The following GRAMD1B variants were observed in gnomAD, a reference collection of about 807,000 sequenced individuals.
The protein encoded by GRAMD1B is protein Aster-B.
In GRAMD1B, 37 loss-of-function variants were observed where a neutral mutation model predicts 99.7. The ratio of observed to expected loss-of-function variants is 0.37; its 90% CI spans 0.29 to 0.49. GRAMD1B has a LOEUF of 0.49. Ranked by LOEUF, GRAMD1B falls within the 20% of genes least tolerant of loss-of-function variation. GRAMD1B has a pLI of 0.98. For missense variants in GRAMD1B, 888 were observed against 1,009.2 expected (o/e 0.88, Z 1.63); for synonymous variants, 427 against 387.6 (o/e 1.10, Z -1.19).
rs138083511 is a variant in GRAMD1B at position 123,548,325 on chromosome 11, T to TACAC, written c.453-29020_453-29017dup. ...ATATATATATATATATATATATATA[T>TACAC]ACACACACACACACACACACACACA... is the stretch of plus-strand genomic sequence containing the variant. On this transcript the variant is annotated intron_variant, in intron 2 of 19. Transcript: ENST00000635736. Among the ~76,000 whole-genome samples the TACAC allele has an allele frequency of 3.0e-3, 264 of 86,840 alleles. 2 individuals are homozygous for TACAC. The highest frequency in any genetic ancestry group is 6.8e-3 in the Middle Eastern group (1 of 146). 57.0% of individuals were successfully genotyped at this position (86,840 alleles called of 152,430 possible). A position where few individuals can be genotyped will look rare whatever the true frequency, so the allele number is the denominator to read the frequency against.
intron 1 of GRAMD1B, among the ~76,000 whole-genome samples, chr11:123,424,262 A>AG (rs1489411362): frequency 6.6e-6 from 1 of 151,632 alleles, no homozygotes; most frequent in African/African-American, 2.4e-5. Context: ...CCAAAAAAAA[A>AG]AAAAAAAAGA....
chr11:123,398,854 T>C (rs1285756317), intron 1 of GRAMD1B, among the ~76,000 whole-genome samples: 1 of 152,224 alleles, frequency 6.6e-6, no homozygotes, highest in East Asian at 1.9e-4. Context: ...GAAATCATCA[T>C]CACAACCTGT....
intron 2 of GRAMD1B, among the ~76,000 whole-genome samples, chr11:123,543,693 G>T (rs1022790949): frequency 6.6e-6 from 1 of 152,196 alleles, no homozygotes; most frequent in African/African-American, 2.4e-5. Flanking sequence ...AAGGTAGAAG[G>T]TCAAGAAATA....
intron 2 of GRAMD1B, among the ~76,000 whole-genome samples, chr11:123,549,063 T>G (rs1220932715): frequency 6.6e-6 from 1 of 151,948 alleles, no homozygotes; most frequent in South Asian, 2.1e-4. Context: ...GGAGAGGTAG[T>G]TAGTTGGAGG....
rs565603364 is a variant in GRAMD1B at position 123,521,038 on chromosome 11, G to T, written c.452+40145G>T. On this transcript the variant is annotated intron_variant, in intron 2 of 19. Coordinates refer to ENST00000635736, the MANE Select transcript of GRAMD1B (RefSeq NM_001387025.1). ...TGTTTTGCTTTTGCTGTTACATGGA[G>T]TGCTATTTAAAGTCTTTCGTGCATG... Among the ~76,000 whole-genome samples the T allele has an allele frequency of 3.3e-5, 5 of 152,220 alleles. No homozygotes were observed. The South Asian group carries it at 1.0e-3, about 32-fold the overall frequency.
chr11:123,506,881 C>A (rs759494273), intron 2 of GRAMD1B, among the ~76,000 whole-genome samples: 1 of 152,202 alleles, frequency 6.6e-6, no homozygotes, highest in Non-Finnish European at 1.5e-5. Flanking sequence ...CCAGCCCCAA[C>A]TTCTAGGTTG....
chr11:123,397,520 A>T (rs1315537998), intron 1 of GRAMD1B, among the ~76,000 whole-genome samples: 1 of 152,184 alleles, frequency 6.6e-6, no homozygotes, highest in Non-Finnish European at 1.5e-5. Context: ...AGATTAAAAA[A>T]ATCTTGTTTG....
At chr11:123,526,530 G>A (rs368511864) in intron 2 of GRAMD1B, among the ~76,000 whole-genome samples, 3 of 152,196 alleles carry the variant, frequency 2.0e-5, no homozygotes, top group African/African-American at 4.8e-5. Flanking sequence ...GGTGTTGTGC[G>A]TCTGCATCAG....
At chr11:123,401,281 G>C (rs143113833) in intron 1 of GRAMD1B, among the ~76,000 whole-genome samples, 70 of 152,332 alleles carry the variant, frequency 4.6e-4, no homozygotes, top group African/African-American at 1.6e-3. Flanking sequence ...GTTAAAGTAA[G>C]AAGAGCGGAG....
chr11:123,589,614 T>TTATATATATATATATATA lies in GRAMD1B; in HGVS notation c.685-4462_685-4445dup, dbSNP rs71060517. On this transcript the variant is annotated intron_variant, in intron 4 of 19. Transcript: ENST00000635736. ...ACCTGCCACCATGTGTGGCTAATTT[T>TTATATATATATATATATA]TATATATATATATATATATATATTT... Among the ~76,000 whole-genome samples the TTATATATATATATATATA allele has an allele frequency of 2.4e-3, 314 of 128,212 alleles. 5 individuals carry two copies. Among genetic ancestry groups the TTATATATATATATATATA allele is most frequent in the African/African-American group, 0.01 (293 of 28,492 alleles). The allele number at this position is 128,212 out of a possible 152,430, so 84.1% of individuals were successfully genotyped here.
intron 1 of GRAMD1B, among the ~76,000 whole-genome samples, chr11:123,472,104 G>C (rs1024584475): frequency 6.6e-6 from 1 of 151,874 alleles, no homozygotes; most frequent in Non-Finnish European, 1.5e-5. Flanking sequence ...ATGGTGGTGC[G>C]GGCCTGTCAT....
chr11:123,515,346 G>A (rs1211634586), intron 2 of GRAMD1B, among the ~76,000 whole-genome samples: 1 of 152,194 alleles, frequency 6.6e-6, no homozygotes, highest in Non-Finnish European at 1.5e-5. Flanking sequence ...TACTGGTTGA[G>A]CATCCCAGAT....
intron 1 of GRAMD1B, among the ~76,000 whole-genome samples, chr11:123,425,069 C>A (rs1330236572): frequency 3.3e-5 from 5 of 152,228 alleles, no homozygotes; most frequent in Non-Finnish European, 5.9e-5. Context: ...CTAATGCTCA[C>A]AATCACTCCA....
intron 2 of GRAMD1B, among the ~76,000 whole-genome samples, chr11:123,507,395 G>A (rs1233631788): frequency 6.6e-6 from 1 of 152,156 alleles, no homozygotes; most frequent in Admixed American, 6.5e-5. Context: ...CCAGGCAATA[G>A]GCTAAAGAAA....
At chr11:123,509,837 G>A (rs1314176122) in intron 2 of GRAMD1B, 3 of 152,262 alleles carry the variant, frequency 2.0e-5, no homozygotes, top group Non-Finnish European at 2.9e-5. Context: ...AGTGATGAAT[G>A]GGGCTGGATG....
chr11:123,487,773 A>T (rs1381429354), intron 2 of GRAMD1B, among the ~76,000 whole-genome samples: 2 of 152,124 alleles, frequency 1.3e-5, no homozygotes, highest in East Asian at 3.9e-4. Flanking sequence ...TGCCCAGCTA[A>T]TTTTTGTATT....
chr11:123,421,282 C>T (rs1250759189), intron 1 of GRAMD1B, among the ~76,000 whole-genome samples: 3 of 152,222 alleles, frequency 2.0e-5, no homozygotes, highest in African/African-American at 4.8e-5. Context: ...TAACTTCTTG[C>T]TCTGTGTGGG....
chr11:123,463,826 G>T (rs1174067422), intron 1 of GRAMD1B, among the ~76,000 whole-genome samples: 1 of 152,242 alleles, frequency 6.6e-6, no homozygotes, highest in Non-Finnish European at 1.5e-5. Flanking sequence ...ATGTGCATGG[G>T]AGATTTGGGG....
intron 2 of GRAMD1B, among the ~76,000 whole-genome samples, chr11:123,544,385 C>T (rs994172456): frequency 6.6e-6 from 1 of 152,222 alleles, no homozygotes; most frequent in East Asian, 1.9e-4. Context: ...AACCAAACCC[C>T]TGACCACCTT....
Sources: gnomAD v4.1 joint callset for allele counts (sites outside exome capture counted in the v4.1 genomes callset) on GRCh38, gnomAD v4.1.1 for gene constraint, MANE v1.5 for transcripts, NCBI Gene and HGNC (gene_info 2026-07-23, HGNC 2026-07-21) for gene names.